The following ESCO2 variants were observed in gnomAD, a reference collection of about 807,000 sequenced individuals.
ESCO2 encodes establishment of sister chromatid cohesion N-acetyltransferase 2.
In ESCO2, 51 loss-of-function variants were observed where a neutral mutation model predicts 61.7. That is an observed-to-expected ratio of 0.83 (90% CI 0.66 to 1.04). ESCO2 has a LOEUF of 1.04. ESCO2 is among the 50% of genes least tolerant of loss of function. The pLI is 0.00. For synonymous variants in ESCO2, 230 were observed against 238.2 expected (o/e 0.97, Z 0.32); for missense variants, 692 against 686.2 (o/e 1.01, Z -0.09).
chr8:27,805,592 T>C (rs902425411), downstream of ESCO2, among the ~76,000 whole-genome samples: 1 of 152,138 alleles, frequency 6.6e-6, no homozygotes, highest in African/African-American at 2.4e-5. Context: ...GATACCCTAA[T>C]GGCAATGAGC....
rs1313625302 is a variant in ESCO2 at position 27,803,577 on chromosome 8, C to CACACAT, written c.*140_*141insCACATA. ...ACACACACACACACACGCACACACA[C>CACACAT]ATATCACAGTTTTGTTCCTTATGAG... On this transcript the variant is annotated 3_prime_UTR_variant, in exon 11 of 11. Transcript: ENST00000305188. 37 of 1,447,580 alleles carry CACACAT rather than the reference C, an allele frequency of 2.6e-5. No individual in the cohort carries two copies. Among genetic ancestry groups the CACACAT allele is most frequent in the Non-Finnish European group, 3.2e-5 (35 of 1,108,546 alleles). 89.7% of individuals were successfully genotyped at this position (1,447,580 alleles called of 1,614,324 possible). A position where few individuals can be genotyped will look rare whatever the true frequency, so the allele number is the denominator to read the frequency against.
At chr8:27,813,629 TTG>T (rs1311294924), downstream of ESCO2, among the ~76,000 whole-genome samples, 9 of 152,130 alleles carry the variant, frequency 5.9e-5, no homozygotes, top group Admixed American at 1.3e-4. Context: ...TACCATTTTT[TTG>T]TGTGTGTGAG....
chr8:27,799,648 A>G lies in ESCO2; in HGVS notation c.1605A>G (p.Ile535Met), dbSNP rs1452772845. The change falls in exon 10 of 11, where the codon ATA becomes ATG. Residue 535 changes from isoleucine (I) to methionine (M), a missense_variant. By Grantham distance (10) the Ile-to-Met change is conservative. Transcript: ENST00000305188. ...TACCAGAACCTGCAGTCTGTGGGAT[A>G]AGTAGAATCTGGGTTTTCAGACTGA... is the stretch of plus-strand genomic sequence containing the variant. ...SDVPEPAVCG[I>M]SRIWVFRLKR... The G allele has an allele frequency of 1.9e-6, 3 of 1,613,864 alleles. No individual in the cohort carries two copies. The highest frequency in any genetic ancestry group is 1.1e-5 in the South Asian group (1 of 91,072).
At chr8:27,772,186 G>T, upstream of ESCO2, 2 of 456,660 alleles carry the variant, frequency 4.4e-6, no homozygotes, top group Non-Finnish European at 3.9e-6. Context: ...AGAAGACTTG[G>T]GATAAGGTGT....
intron 5 of ESCO2, among the ~76,000 whole-genome samples, chr8:27,786,034 C>A (rs1805033797): frequency 6.6e-6 from 1 of 152,152 alleles, no homozygotes; most frequent in African/African-American, 2.4e-5. Flanking sequence ...AAAGAGATGG[C>A]TGTCACGCAT....
chr8:27,800,166 T>G (rs930562819), intron 10 of ESCO2, among the ~76,000 whole-genome samples: 3 of 152,174 alleles, frequency 2.0e-5, no homozygotes, highest in Non-Finnish European at 4.4e-5. Flanking sequence ...GAAGACTTGG[T>G]ATAACTCATA....
upstream of ESCO2, chr8:27,772,613 T>G: frequency 6.8e-7 from 1 of 1,475,960 alleles, no homozygotes; most frequent in Non-Finnish European, 9.2e-7. Flanking sequence ...GATACCAGAC[T>G]CGCGGCGGCC....
chr8:27,778,767 T>C (rs2128951844), intron 3 of ESCO2: 1 of 152,366 alleles, frequency 6.6e-6, no homozygotes, highest in African/African-American at 2.4e-5. Context: ...AGCTTCACTT[T>C]ACGGGTTTGG....
intron 10 of ESCO2, among the ~76,000 whole-genome samples, chr8:27,802,413 T>C (rs1176659373): frequency 6.7e-6 from 1 of 150,224 alleles, no homozygotes; most frequent in Non-Finnish European, 1.5e-5. Context: ...CTGGCCAACA[T>C]GGAGAAACCC....
chr8:27,786,865 T>G (rs534823338), intron 5 of ESCO2, among the ~76,000 whole-genome samples: 26 of 151,090 alleles, frequency 1.7e-4, no homozygotes, highest in Admixed American at 5.9e-4. Flanking sequence ...CTAGGGTTTT[T>G]TTTTTTTTTC....
upstream of ESCO2, chr8:27,774,383 C>T (rs1028952674): frequency 6.6e-6 from 1 of 152,156 alleles, no homozygotes; most frequent in African/African-American, 2.4e-5. Context: ...TGGTTTCCCT[C>T]AGAGATTTTT....
intron 5 of ESCO2, among the ~76,000 whole-genome samples, chr8:27,785,154 G>A (rs913417648): frequency 6.6e-5 from 10 of 152,228 alleles, no homozygotes; most frequent in East Asian, 1.9e-4. Flanking sequence ...ATCCCATGGC[G>A]GAAGGCAGAA....
chr8:27,810,117 G>T (rs1007341762), downstream of ESCO2: 4 of 560,518 alleles, frequency 7.1e-6, no homozygotes, highest in Non-Finnish European at 9.3e-6. Flanking sequence ...AGAAAACCCA[G>T]TACAATTCCA....
At chr8:27,815,786 A>AT (rs1805799026), downstream of ESCO2, among the ~76,000 whole-genome samples, 1 of 152,222 alleles carries the variant, frequency 6.6e-6, no homozygotes, top group Non-Finnish European at 1.5e-5. Flanking sequence ...TAAACATAAT[A>AT]GCATGTGACA....
chr8:27,816,343 C>CTATATATATATA (rs767822258), downstream of ESCO2, among the ~76,000 whole-genome samples: 30 of 136,380 alleles, frequency 2.2e-4, 3 homozygotes, highest in East Asian at 1.8e-3. Flanking sequence ...TCATCGAATA[C>CTATATATATATA]TATATATATA....
chr8:27,802,157 CACAA>C (rs1805444908), intron 10 of ESCO2, among the ~76,000 whole-genome samples: 4 of 148,016 alleles, frequency 2.7e-5, no homozygotes, highest in Admixed American at 2.7e-4. Flanking sequence ...TTTTTTCTTT[CACAA>C]ACAAGCTGTA....
At chr8:27,806,294 G>T (rs1476217738), downstream of ESCO2, among the ~76,000 whole-genome samples, 2 of 151,986 alleles carry the variant, frequency 1.3e-5, no homozygotes, top group Non-Finnish European at 2.9e-5. Context: ...TCTACTGGGG[G>T]TCTTTGTCAT....
chr8:27,785,491 C>G (rs2128953921), intron 5 of ESCO2, among the ~76,000 whole-genome samples: 1 of 152,288 alleles, frequency 6.6e-6, no homozygotes, highest in East Asian at 1.9e-4. Context: ...CACCTGAGGT[C>G]TGGAGTTTGA....
the ESCO2 span, among the ~76,000 whole-genome samples, chr8:27,819,604 T>G: frequency 2.2e-4 from 33 of 152,218 alleles, no homozygotes; most frequent in South Asian, 1.0e-3. Flanking sequence ...AATTCGAAGT[T>G]TTTTTGTGTG....
Sources: gnomAD v4.1 joint callset for allele counts (sites outside exome capture counted in the v4.1 genomes callset) on GRCh38, gnomAD v4.1.1 for gene constraint, MANE v1.5 for transcripts, NCBI Gene and HGNC (gene_info 2026-07-23, HGNC 2026-07-21) for gene names.